PTPRM: variants seen among roughly 807,000 people sequenced by gnomAD.
PTPRM encodes receptor-type tyrosine-protein phosphatase mu.
In PTPRM, 47 loss-of-function variants were observed where a neutral mutation model predicts 186.7. That is an observed-to-expected ratio of 0.25 (90% confidence interval 0.20 to 0.32). The LOEUF is 0.32. PTPRM is among the 10% of genes least tolerant of loss of function. PTPRM has a pLI of 1.00. For missense variants in PTPRM, 1,494 were observed against 1,865.0 expected, an observed-to-expected ratio of 0.80 and a Z score of 3.66; for synonymous variants, 668 against 674.9, an observed-to-expected ratio of 0.99 and a Z score of 0.16.
rs1314652427 is a variant in PTPRM, at chr18:8,387,215, C to T, written c.4188C>T (p.Gly1396=). ...KWQEEYNGGE[G]RTVVHCLNGG... is the part of the protein sequence containing the mutation. The stretch of plus-strand genomic sequence containing the variant: ...AAGAGGAGTACAATGGCGGGGAAGG[C>T]CGCACGGTTGTGCACTGCTTGTAAG... Residue 1396 remains glycine, a synonymous_variant, in exon 31 of 33, where the codon GGC becomes GGT. Coordinates refer to ENST00000580170, the MANE Select transcript of PTPRM (RefSeq NM_001105244.2). The T allele has an allele frequency of 3.1e-6, 5 of 1,613,984 alleles. No individual in the cohort carries two copies. Among genetic ancestry groups the T allele is most frequent in the African/African-American group, 1.3e-5 (1 of 75,042 alleles).
intron 13 of PTPRM, among the ~76,000 whole-genome samples, chr18:8,134,169 C>G (rs1222506942): frequency 6.6e-6 from 1 of 152,130 alleles, no homozygotes; most frequent in South Asian, 2.1e-4. Context: ...CAGGGGAAAG[C>G]CTCTCTCAGC....
intron 1 of PTPRM, among the ~76,000 whole-genome samples, chr18:7,680,237 G>A (rs1469532824): frequency 6.6e-6 from 1 of 152,180 alleles, no homozygotes; most frequent in Non-Finnish European, 1.5e-5. Flanking sequence ...TATTTCAAAT[G>A]TGAAGGGATG....
At chr18:7,675,738 A>ATTT (rs112150765) in intron 1 of PTPRM, among the ~76,000 whole-genome samples, 36 of 141,916 alleles carry the variant, frequency 2.5e-4, no homozygotes, top group African/African-American at 7.5e-4. Flanking sequence ...TTCATTCAGC[A>ATTT]TTTTTTTTTT....
chr18:7,890,906 G>A (rs80046654), intron 3 of PTPRM, among the ~76,000 whole-genome samples: 3,248 of 152,072 alleles, frequency 0.021, 109 homozygotes, highest in African/African-American at 0.073. Flanking sequence ...CAGGTATAAA[G>A]CAATACATTA....
intron 7 of PTPRM, among the ~76,000 whole-genome samples, chr18:8,028,473 G>A (rs942860438): frequency 6.6e-5 from 10 of 152,296 alleles, no homozygotes; most frequent in Admixed American, 3.3e-4. Flanking sequence ...GATATAATAT[G>A]TGTGTTTTTG....
At chr18:7,863,534 CT>C (rs2047506309) in intron 2 of PTPRM, among the ~76,000 whole-genome samples, 1 of 152,042 alleles carries the variant, frequency 6.6e-6, no homozygotes, top group East Asian at 1.9e-4. Flanking sequence ...TGAACTCATC[CT>C]TTTTTATGGC....
intron 13 of PTPRM, among the ~76,000 whole-genome samples, chr18:8,143,345 A>C (rs1241482268): frequency 1.3e-5 from 2 of 152,216 alleles, no homozygotes; most frequent in Non-Finnish European, 2.9e-5. Context: ...AGCAGGAGCC[A>C]ATAGAGATAA....
chr18:8,297,197 G>T (rs567311133), intron 20 of PTPRM, among the ~76,000 whole-genome samples: 1 of 152,228 alleles, frequency 6.6e-6, no homozygotes, highest in South Asian at 2.1e-4. Context: ...CGCTGTAGTC[G>T]CCTAACATAA....
intron 13 of PTPRM, chr18:8,121,727 G>A (rs188361572): frequency 3.3e-5 from 5 of 152,200 alleles, no homozygotes; most frequent in African/African-American, 7.2e-5. Flanking sequence ...ACATAAAAAC[G>A]TTTTTAGTGA....
intron 14 of PTPRM, among the ~76,000 whole-genome samples, chr18:8,145,274 A>G (rs1392090265): frequency 6.6e-6 from 1 of 152,214 alleles, no homozygotes; most frequent in Admixed American, 6.5e-5. Context: ...AGGAACTACA[A>G]AATGGGGTGG....
chr18:8,102,982 G>A (rs1236047842), intron 11 of PTPRM, among the ~76,000 whole-genome samples: 1 of 152,190 alleles, frequency 6.6e-6, no homozygotes, highest in Non-Finnish European at 1.5e-5. Flanking sequence ...AGAGCTCATG[G>A]GTGATCAAGT....
chr18:8,178,525 T>C (rs1373056360), intron 14 of PTPRM, among the ~76,000 whole-genome samples: 5 of 152,186 alleles, frequency 3.3e-5, no homozygotes, highest in Admixed American at 3.3e-4. Context: ...GGCTCATGCC[T>C]GTAGTCTCAG....
At chr18:7,940,748 T>A (rs1042130724) in intron 5 of PTPRM, among the ~76,000 whole-genome samples, 1 of 151,850 alleles carries the variant, frequency 6.6e-6, no homozygotes, top group Non-Finnish European at 1.5e-5. Context: ...AGTTTCCATA[T>A]CTAATTTGGT....
At chr18:8,071,211 A>G (rs2089452854) in intron 8 of PTPRM, among the ~76,000 whole-genome samples, 1 of 152,154 alleles carries the variant, frequency 6.6e-6, no homozygotes. Context: ...ACTCTCTCTC[A>G]TCTCCCAGAA....
chr18:7,772,902 A>G (rs989511342), intron 1 of PTPRM, among the ~76,000 whole-genome samples: 1 of 152,188 alleles, frequency 6.6e-6, no homozygotes, highest in Non-Finnish European at 1.5e-5. Context: ...ATAGCATTAT[A>G]TGGATAGTAG....
At chr18:7,584,536 G>T (rs541789671) in intron 1 of PTPRM, among the ~76,000 whole-genome samples, 1 of 151,974 alleles carries the variant, frequency 6.6e-6, no homozygotes, top group Non-Finnish European at 1.5e-5. Flanking sequence ...AAATAAAGAC[G>T]AAGATCAGTG....
chr18:7,898,661 A>G (rs2049497972), intron 3 of PTPRM, among the ~76,000 whole-genome samples: 1 of 152,190 alleles, frequency 6.6e-6, no homozygotes, highest in Non-Finnish European at 1.5e-5. Context: ...TAGGGATACA[A>G]CATCTTGTCT....
intron 1 of PTPRM, among the ~76,000 whole-genome samples, chr18:7,616,245 C>T (rs897895872): frequency 2.0e-5 from 3 of 152,132 alleles, no homozygotes; most frequent in Non-Finnish European, 4.4e-5. Context: ...CGGCCTTGAC[C>T]TCTTGGTCAA....
chr18:8,186,396 G>C (rs1045756116), intron 14 of PTPRM, among the ~76,000 whole-genome samples: 5 of 151,864 alleles, frequency 3.3e-5, no homozygotes, highest in Non-Finnish European at 7.4e-5. Context: ...CATCTTGATG[G>C]TCTGTGACTT....
Sources: gnomAD v4.1 joint callset for allele counts (sites outside exome capture counted in the v4.1 genomes callset) on GRCh38, gnomAD v4.1.1 for gene constraint, MANE v1.5 for transcripts, NCBI Gene and HGNC (gene_info 2026-07-23, HGNC 2026-07-21) for gene names.